The following PCDHGA8 variants were observed in gnomAD, a reference collection of about 807,000 sequenced individuals.
The protein encoded by PCDHGA8 is protocadherin gamma-A8.
In PCDHGA8, 45 loss-of-function variants were observed where a neutral mutation model predicts 59.2. That is an observed-to-expected ratio of 0.76 (90% CI 0.60 to 0.98). PCDHGA8 has a LOEUF of 0.98. PCDHGA8 is among the 50% of genes least tolerant of loss of function. The pLI is 0.00. For missense variants in PCDHGA8, 1,257 were observed against 1,196.2 expected (o/e 1.05, Z -0.75); for synonymous variants, 531 against 519.0 (o/e 1.02, Z -0.32).
chr5:141,400,290 C>T, intron 1 of PCDHGA8: 3 of 1,614,090 alleles, frequency 1.9e-6, no homozygotes, highest in Non-Finnish European at 2.5e-6. Context: ...CCGCCTGGAG[C>T]TGCTTCCAAC....
In PCDHGA8 at chr5:141,477,097, G is replaced by A; in HGVS notation, c.2425-17710G>A. ...AGATTTACATCCAGGCCAAAGACAAGGGCGCCAATCCCGAAGGAGCACATT... is the reference window on the plus strand; with the variant it reads ...AGATTTACATCCAGGCCAAAGACAAAGGCGCCAATCCCGAAGGAGCACATT... On this transcript the variant is annotated intron_variant, in intron 1 of 3. Transcript: ENST00000398604. This position sits in a 1 kb window ranked among gnomAD's most constrained non-coding sequence, Gnocchi z 4.9. 1 of 1,614,242 alleles carries A rather than the reference G, an allele frequency of 6.2e-7. No homozygotes were observed. Among genetic ancestry groups the A allele is most frequent in the South Asian group, 1.1e-5 (1 of 91,088 alleles).
At chr5:141,435,008 A>G (rs961813777) in intron 1 of PCDHGA8, among the ~76,000 whole-genome samples, 3 of 152,130 alleles carry the variant, frequency 2.0e-5, no homozygotes, top group African/African-American at 7.2e-5. Context: ...GAATTTATCA[A>G]TGATAATGCT....
intron 1 of PCDHGA8, chr5:141,414,983 G>C: frequency 6.2e-7 from 1 of 1,613,716 alleles, no homozygotes; most frequent in Non-Finnish European, 8.5e-7. Context: ...AGAGACTCCG[G>C]CCAGAACGCC....
chr5:141,415,487 A>C, intron 1 of PCDHGA8: 1 of 1,614,170 alleles, frequency 6.2e-7, no homozygotes, highest in Non-Finnish European at 8.5e-7. Context: ...CGAAAGAGTC[A>C]CCTGATCTTC....
In PCDHGA8 at chr5:141,494,634, T is replaced by C. The variant is rs917243803; in HGVS notation, c.2425-173T>C. The C allele has an allele frequency of 1.1e-5, 10 of 889,216 alleles. No individual in the cohort carries two copies. In the African/African-American group the frequency reaches 1.8e-4, roughly 16 times the overall value. 55.1% of individuals were successfully genotyped at this position (889,216 alleles called of 1,614,324 possible). A position where few individuals can be genotyped will look rare whatever the true frequency, so the allele number is the denominator to read the frequency against. On this transcript the variant is annotated intron_variant, in intron 1 of 3. Coordinates refer to ENST00000398604, the MANE Select transcript of PCDHGA8 (RefSeq NM_032088.2). ...CTTGGTTTCTGGTACCTCAGACCTC[T>C]GAGACCTGAGGTGTATTTTGTCTTT...
chr5:141,452,929 G>A (rs2154564099), intron 1 of PCDHGA8, among the ~76,000 whole-genome samples: 1 of 152,310 alleles, frequency 6.6e-6, no homozygotes, highest in Admixed American at 6.5e-5. Flanking sequence ...AAGAGCTGCT[G>A]AAGATTTGCT....
intron 1 of PCDHGA8, chr5:141,420,214 C>T: frequency 6.2e-7 from 1 of 1,611,064 alleles, no homozygotes; most frequent in Non-Finnish European, 8.5e-7. Context: ...ACAAAGATAG[C>T]ATGCTACTGG....
intron 1 of PCDHGA8, among the ~76,000 whole-genome samples, chr5:141,405,786 T>C (rs72790035): frequency 0.064 from 9,727 of 151,196 alleles, 364 homozygotes; most frequent in African/African-American, 0.1. Context: ...CCCTTAACTT[T>C]CTATTATAGT....
rs761704779 is a variant in PCDHGA8 at position 141,486,764 on chromosome 5, C to T, written c.2425-8043C>T. ...CTTTGACTATGAGCAAACCCAGACA[C>T]TGCAGTTTGAGGTGCAGGCCCGGGA... On this transcript the variant is annotated intron_variant, in intron 1 of 3. Transcript: ENST00000398604. This position sits in a 1 kb window ranked among gnomAD's most constrained non-coding sequence, Gnocchi z 5.0. 6.2e-7 allele frequency: 1 copy of T among 1,614,264 alleles called. No homozygotes were observed. The highest frequency in any genetic ancestry group is 2.2e-5 in the East Asian group (1 of 44,880).
chr5:141,425,763 G>A (rs959881638), intron 1 of PCDHGA8, among the ~76,000 whole-genome samples: 3 of 152,164 alleles, frequency 2.0e-5, no homozygotes, highest in Non-Finnish European at 4.4e-5. Context: ...TCTACAACAG[G>A]AGAGAAGACT....
In PCDHGA8 at chr5:141,402,724, G is replaced by A. The variant is rs558797465; in HGVS notation, c.2424+7487G>A. Among the ~76,000 whole-genome samples, 7 of 152,276 alleles carry A rather than the reference G, an allele frequency of 4.6e-5. No individual in the cohort carries two copies. The South Asian group carries it at 1.5e-3, about 32-fold the overall frequency. On this transcript the variant is annotated intron_variant, in intron 1 of 3. Transcript: ENST00000398604. Reference sequence around the variant, plus strand: ...GGGTGTAGTAACGGCTTAGGACTCTGAGCGCCGCTGTTGATCAACTCTAAG... The same window carrying A: ...GGGTGTAGTAACGGCTTAGGACTCTAAGCGCCGCTGTTGATCAACTCTAAG...
chr5:141,408,846 TGGACGGA>T, intron 1 of PCDHGA8: 1 of 1,613,698 alleles, frequency 6.2e-7, no homozygotes, highest in Non-Finnish European at 8.5e-7. Flanking sequence ...TTGACTGCCT[TGGACGGA>T]GGGGACCCAC....
At chr5:141,441,102 C>G (rs1057297804) in intron 1 of PCDHGA8, 1 of 152,148 alleles carries the variant, frequency 6.6e-6, no homozygotes, top group East Asian at 1.9e-4. Context: ...GAGAGGGACT[C>G]ATTGTCCAGT....
chr5:141,423,050 G>C, intron 1 of PCDHGA8: 1 of 1,614,186 alleles, frequency 6.2e-7, no homozygotes, highest in Non-Finnish European at 8.5e-7. Flanking sequence ...CTGTCCTATC[G>C]CCTGCTTAAG....
Position 141,491,029 on chromosome 5 carries a change from G to T in PCDHGA8, c.2425-3778G>T. 1 of 1,614,172 alleles carries T rather than the reference G, an allele frequency of 6.2e-7. No homozygotes were observed. The highest frequency in any genetic ancestry group is 1.1e-5 in the South Asian group (1 of 91,088). On this transcript the variant is annotated intron_variant, in intron 1 of 3. Coordinates refer to ENST00000398604, the MANE Select transcript of PCDHGA8 (RefSeq NM_032088.2). The surrounding 1 kb of genome is among the most constrained non-coding windows in gnomAD (Gnocchi z 6.9). ...GGTCACCAAGGTGACAGCCGTGGAT[G>T]CTGATGCAGGCCACAATGCGTGGCT...
chr5:141,410,785 G>T, intron 1 of PCDHGA8: 1 of 804,598 alleles, frequency 1.2e-6, no homozygotes, highest in Non-Finnish European at 1.8e-6. Context: ...TATGTATTTG[G>T]TTCATAAGTT....
At position 141,491,660 on chromosome 5, in the gene PCDHGA8, C is replaced by G; in HGVS notation, c.2425-3147C>G. 6.2e-7 allele frequency: 1 copy of G among 1,613,810 alleles called. No individual in the cohort carries two copies. ...ACAGCTCTGGCGCTGGAGCCTGACG[C>G]CATCCGGTCCCGCTCTAATACGCTG... is the stretch of plus-strand genomic sequence containing the variant. On this transcript the variant is annotated intron_variant, in intron 1 of 3. Transcript: ENST00000398604. The surrounding 1 kb of genome is among the most constrained non-coding windows in gnomAD (Gnocchi z 6.9).
intron 1 of PCDHGA8, chr5:141,399,756 C>G: frequency 6.2e-7 from 1 of 1,613,346 alleles, no homozygotes; most frequent in Non-Finnish European, 8.5e-7. Flanking sequence ...CAAACGTGAG[C>G]CTGCGCGTGT....
intron 2 of PCDHGA8, among the ~76,000 whole-genome samples, chr5:141,499,102 C>T (rs1172661012): frequency 1.3e-5 from 2 of 152,170 alleles, no homozygotes; most frequent in Admixed American, 6.5e-5. Context: ...TGCTTCTCCT[C>T]CCCACCACTA....
Sources: allele counts gnomAD v4.1 joint callset (sites outside exome capture counted in the v4.1 genomes callset), GRCh38; gene constraint gnomAD v4.1.1; non-coding constraint Gnocchi (gnomAD v3.1); transcripts MANE v1.5; gene names NCBI Gene and HGNC (gene_info 2026-07-23, HGNC 2026-07-21).